The following CDS1 variants were observed in gnomAD, a reference collection of about 807,000 sequenced individuals.
CDS1 encodes the protein phosphatidate cytidylyltransferase 1.
Under a neutral mutation model 62.1 loss-of-function variants are expected in CDS1, and 41 were observed. That is an observed-to-expected ratio of 0.66 (90% CI 0.51 to 0.86). The LOEUF is 0.86. Among genes scored for constraint, CDS1 ranks in the 40% least tolerant of loss-of-function variants. CDS1 has a pLI of 0.00. For synonymous variants in CDS1, 185 were observed against 192.6 expected (o/e 0.96, Z 0.32); for missense variants, 470 against 550.1 (o/e 0.85, Z 1.46).
At chr4:84,636,346 A>G (rs957056522) in intron 8 of CDS1, among the ~76,000 whole-genome samples, 1 of 152,344 alleles carries the variant, frequency 6.6e-6, no homozygotes, top group South Asian at 2.1e-4. Flanking sequence ...GAAAATACAC[A>G]TGAGTAGACC....
intron 3 of CDS1, among the ~76,000 whole-genome samples, chr4:84,613,419 G>A (rs10027833): frequency 0.02 from 3,113 of 152,210 alleles, 111 homozygotes; most frequent in African/African-American, 0.071. Context: ...GACCAGCCTG[G>A]CCAACATGGT....
At chr4:84,609,094 G>A (rs548449428) in intron 2 of CDS1, among the ~76,000 whole-genome samples, 3 of 151,028 alleles carry the variant, frequency 2.0e-5, no homozygotes, top group Non-Finnish European at 4.4e-5. Context: ...CAGGAGAATG[G>A]CGTGAACCCA....
rs761052360 is a variant in CDS1 at position 84,604,278 on chromosome 4, T to A, written c.153T>A (p.Asp51Glu). 6.2e-7 allele frequency: 1 copy of A among 1,612,782 alleles called. No individual in the cohort carries two copies. Among genetic ancestry groups the A allele is most frequent in the South Asian group, 1.1e-5 (1 of 90,952 alleles). Residue 51 changes from aspartate (D) to glutamate (E), a missense_variant, in exon 2 of 13, where the codon GAT becomes GAA. Physicochemically the swap from Asp to Glu is conservative, Grantham distance 45. Coordinates refer to ENST00000295887, the MANE Select transcript of CDS1 (RefSeq NM_001263.4). ...TTGATGACAGATATGGAGATTTGGA[T>A]TCCAGAACAGATTCTGATATTCCGG... Reference protein sequence around the residue: ...TDIDDRYGDLDSRTDSDIPEI... With the variant: ...TDIDDRYGDLESRTDSDIPEI...
intron 1 of CDS1, among the ~76,000 whole-genome samples, chr4:84,584,580 G>A (rs1055307678): frequency 1.3e-5 from 2 of 152,290 alleles, no homozygotes; most frequent in African/African-American, 2.4e-5. Context: ...AGACTGGCTG[G>A]CAGTTCTGAT....
At chr4:84,636,272 AAAG>A (rs534280270) in intron 8 of CDS1, among the ~76,000 whole-genome samples, 158 of 152,318 alleles carry the variant, frequency 1.0e-3, no homozygotes, top group African/African-American at 3.6e-3. Flanking sequence ...ACTCATACCA[AAAG>A]AAGATTTTGG....
chr4:84,635,488 G>A, intron 8 of CDS1, 137 bp downstream of exon 8: 1 of 690,596 alleles, frequency 1.4e-6, no homozygotes, highest in Non-Finnish European at 2.6e-6. Flanking sequence ...TGGTGCAGAA[G>A]CAGCAAACCA....
chr4:84,586,741 C>T (rs1722435610), intron 1 of CDS1, among the ~76,000 whole-genome samples: 3 of 151,948 alleles, frequency 2.0e-5, no homozygotes, highest in South Asian at 4.2e-4. Flanking sequence ...TGAGATAGAA[C>T]GTGGAGTTTA....
chr4:84,623,747 A>C (rs1433542530), intron 5 of CDS1, among the ~76,000 whole-genome samples: 1 of 152,172 alleles, frequency 6.6e-6, no homozygotes, highest in African/African-American at 2.4e-5. Context: ...TGGCGGGCTT[A>C]ACTTAGCCGT....
Position 84,619,464 on chromosome 4 carries a change from C to T in CDS1, c.511C>T (p.Gln171Ter). 6.3e-7 allele frequency: 1 copy of T among 1,599,664 alleles called. No individual in the cohort carries two copies. Among genetic ancestry groups the T allele is most frequent in the Non-Finnish European group, 8.6e-7 (1 of 1,168,768 alleles). The change falls in exon 5 of 13, where the codon CAA becomes TAA. Residue 171 changes from glutamine (Q) to a stop codon, truncating the protein, a stop_gained. Transcript: ENST00000295887. LOFTEE classifies it high-confidence loss of function. ...TVADYFATFV[Q>*]REEQLQFLIR... The stretch of plus-strand genomic sequence containing the variant: ...AGCTGATTATTTTGCTACATTTGTT[C>T]AAAGAGAAGAACAACTTCAGTTCCT...
chr4:84,638,613 G>A (rs1463388826), intron 8 of CDS1, among the ~76,000 whole-genome samples: 1 of 152,050 alleles, frequency 6.6e-6, no homozygotes, highest in Non-Finnish European at 1.5e-5. Context: ...TCATGGGACA[G>A]TTATTTTAGT....
intron 4 of CDS1, among the ~76,000 whole-genome samples, 200 bp from the exon 5 acceptor site, chr4:84,619,194 G>A (rs775830135): frequency 1.3e-5 from 2 of 152,076 alleles, no homozygotes; most frequent in Non-Finnish European, 2.9e-5. Flanking sequence ...TATGAACTAT[G>A]TTTGGTAAAT....
At chr4:84,646,806 T>C (rs1724571082) in intron 12 of CDS1, among the ~76,000 whole-genome samples, 2 of 152,208 alleles carry the variant, frequency 1.3e-5, no homozygotes, top group African/African-American at 2.4e-5. Context: ...TGTACTGATT[T>C]TTGTTTATTT....
At chr4:84,636,439 GA>G (rs1724213521) in intron 8 of CDS1, among the ~76,000 whole-genome samples, 1 of 152,170 alleles carries the variant, frequency 6.6e-6, no homozygotes, top group South Asian at 2.1e-4. Flanking sequence ...TCTCATTTGG[GA>G]GAAGAAATAA....
chr4:84,600,553 C>A (rs1476385624), intron 1 of CDS1, among the ~76,000 whole-genome samples: 1 of 152,042 alleles, frequency 6.6e-6, no homozygotes, highest in East Asian at 1.9e-4. Flanking sequence ...TGTGCCAGTA[C>A]CATGTATAGA....
At chr4:84,590,128 T>C (rs1432826823) in intron 1 of CDS1, among the ~76,000 whole-genome samples, 1 of 152,164 alleles carries the variant, frequency 6.6e-6, no homozygotes, top group East Asian at 1.9e-4. Flanking sequence ...GGTCTTTCAA[T>C]GTGGGGAATT....
At chr4:84,648,014 C>T (rs753668100) in intron 12 of CDS1, among the ~76,000 whole-genome samples, 9 of 152,068 alleles carry the variant, frequency 5.9e-5, no homozygotes, top group African/African-American at 1.4e-4. Flanking sequence ...ACAAAGTCCA[C>T]GGCACCTGTA....
Position 84,604,356 on chromosome 4 carries a change from T to C in CDS1, c.231T>C (p.Ser77=). 1 of 1,613,230 alleles carries C rather than the reference T, an allele frequency of 6.2e-7. No individual in the cohort carries two copies. The highest frequency in any genetic ancestry group is 8.5e-7 in the Non-Finnish European group (1 of 1,179,480). ...RTPEILKKAL[S]GLSSRWKNWW... is the part of the protein sequence containing the mutation. Reference sequence around the variant, plus strand: ...CTGAGATTCTCAAAAAAGCTCTATCTGGTTTATCTTCAAGGTATGATTGGA... The same window carrying C: ...CTGAGATTCTCAAAAAAGCTCTATCCGGTTTATCTTCAAGGTATGATTGGA... Residue 77 remains serine, a synonymous_variant, in exon 2 of 13, where the codon TCT becomes TCC. Coordinates refer to ENST00000295887, the MANE Select transcript of CDS1 (RefSeq NM_001263.4).
intron 5 of CDS1, 62 bp from the exon 6 acceptor site, chr4:84,631,757 A>G: frequency 7.2e-7 from 1 of 1,391,040 alleles, no homozygotes; most frequent in Non-Finnish European, 1.0e-6. Flanking sequence ...ATTTGGGCTC[A>G]AGGAATCTTA....
At chr4:84,598,349 A>C (rs558681204) in intron 1 of CDS1, among the ~76,000 whole-genome samples, 1 of 151,336 alleles carries the variant, frequency 6.6e-6, no homozygotes, top group Admixed American at 6.6e-5. Flanking sequence ...CAGTGTCCAC[A>C]TCAAGGGATT....
Sources: gnomAD v4.1 joint callset for allele counts (sites outside exome capture counted in the v4.1 genomes callset) on GRCh38, gnomAD v4.1.1 for gene constraint, MANE v1.5 for transcripts, NCBI Gene and HGNC (gene_info 2026-07-23, HGNC 2026-07-21) for gene names.